Variants in CERS6 observed in about 807,000 individuals in gnomAD.
CERS6 encodes the protein ceramide synthase 6, also known as LAG1 homolog, ceramide synthase 6.
CERS6 carries 26 observed loss-of-function variants against 56.8 expected under a neutral mutation model. The ratio of observed to expected loss-of-function variants is 0.46; its 90% confidence interval spans 0.34 to 0.63. The LOEUF (loss-of-function observed/expected upper bound fraction) is 0.63. Among genes scored for constraint, CERS6 ranks in the 30% least tolerant of loss-of-function variants. CERS6 has a pLI of 0.01. For missense variants in CERS6, 415 were observed against 467.5 expected (o/e 0.89, Z 1.04); for synonymous variants, 164 against 173.3 (o/e 0.95, Z 0.42).
intron 8 of CERS6, among the ~76,000 whole-genome samples, chr2:168,753,969 T>C (rs1684350208): frequency 6.6e-6 from 1 of 152,096 alleles, no homozygotes. Flanking sequence ...TCTCCACCTG[T>C]GTGCAAATGG....
At chr2:168,730,246 C>T (rs1329266915) in intron 8 of CERS6, among the ~76,000 whole-genome samples, 1 of 152,208 alleles carries the variant, frequency 6.6e-6, no homozygotes, top group Non-Finnish European at 1.5e-5. Context: ...CCTTTATCCA[C>T]AGCTGGTCAT....
At chr2:168,694,083 G>A (rs939629353) in intron 5 of CERS6, among the ~76,000 whole-genome samples, 1 of 152,120 alleles carries the variant, frequency 6.6e-6, no homozygotes, top group African/African-American at 2.4e-5. Context: ...TTGTTTGTGT[G>A]ATGAGTTTCA....
chr2:168,721,775 T>C (rs750656888), intron 8 of CERS6, among the ~76,000 whole-genome samples: 3 of 151,900 alleles, frequency 2.0e-5, no homozygotes, highest in Non-Finnish European at 2.9e-5. Context: ...TGTGCCACAA[T>C]ACCCAGCTGA....
At chr2:168,523,759 A>G (rs1370865583) in intron 1 of CERS6, among the ~76,000 whole-genome samples, 1 of 152,180 alleles carries the variant, frequency 6.6e-6, no homozygotes, top group Non-Finnish European at 1.5e-5. Context: ...ATATTCACTG[A>G]CATTTTCAAT....
At chr2:168,748,406 T>A (rs2105441406) in intron 8 of CERS6, among the ~76,000 whole-genome samples, 1 of 152,328 alleles carries the variant, frequency 6.6e-6, no homozygotes, top group South Asian at 2.1e-4. Flanking sequence ...TATTTTTAGA[T>A]GAAACCCCCT....
intron 2 of CERS6, among the ~76,000 whole-genome samples, chr2:168,550,880 G>C (rs1454305991): frequency 1.3e-5 from 2 of 152,166 alleles, no homozygotes; most frequent in Non-Finnish European, 2.9e-5. Flanking sequence ...GCCCTCCACT[G>C]GGGGCTGAAG....
chr2:168,743,246 A>G (rs10469697), intron 8 of CERS6, among the ~76,000 whole-genome samples: 66,538 of 146,574 alleles, frequency 0.45, 16,731 homozygotes, highest in Admixed American at 0.57. Flanking sequence ...GTGTGTGTGT[A>G]TATATATATA....
intron 6 of CERS6, among the ~76,000 whole-genome samples, chr2:168,698,534 G>C (rs568310184): frequency 6.6e-6 from 1 of 152,126 alleles, no homozygotes; most frequent in Non-Finnish European, 1.5e-5. Flanking sequence ...CCCGATGACA[G>C]CACCAATGGG....
chr2:168,702,288 T>G (rs1218755240), intron 6 of CERS6, among the ~76,000 whole-genome samples: 1 of 152,184 alleles, frequency 6.6e-6, no homozygotes, highest in Non-Finnish European at 1.5e-5. Flanking sequence ...ATGCAGTTCT[T>G]TTTCTTTTGA....
intron 8 of CERS6, among the ~76,000 whole-genome samples, chr2:168,740,632 G>GGGCATCACAGAT (rs1683869296): frequency 6.6e-6 from 1 of 152,286 alleles, no homozygotes; most frequent in Admixed American, 6.5e-5. Context: ...AATGAGTCTG[G>GGGCATCACAGAT]GTTAACTCAG....
At chr2:168,615,303 A>G (rs934773919) in intron 3 of CERS6, among the ~76,000 whole-genome samples, 1 of 152,088 alleles carries the variant, frequency 6.6e-6, no homozygotes, top group African/African-American at 2.4e-5. Context: ...ATGACAAAAC[A>G]AGTTTCTTTA....
intron 6 of CERS6, among the ~76,000 whole-genome samples, chr2:168,698,385 G>T (rs1686721253): frequency 6.6e-6 from 1 of 152,040 alleles, no homozygotes. Context: ...CTTGGCTTCT[G>T]GGGAGGCCAC....
intron 1 of CERS6, among the ~76,000 whole-genome samples, chr2:168,466,407 G>A (rs1693878624): frequency 6.6e-6 from 1 of 152,170 alleles, no homozygotes; most frequent in African/African-American, 2.4e-5. Context: ...TCCTATGGAA[G>A]CTCTGGGTGA....
At chr2:168,495,948 G>C (rs73969228) in intron 1 of CERS6, among the ~76,000 whole-genome samples, 11,926 of 152,234 alleles carry the variant, frequency 0.078, 728 homozygotes, top group African/African-American at 0.17. Context: ...CAACTACCCA[G>C]GTGATCTCCC....
intron 1 of CERS6, among the ~76,000 whole-genome samples, chr2:168,459,576 G>C (rs1460329405): frequency 1.3e-5 from 2 of 152,024 alleles, no homozygotes; most frequent in South Asian, 4.1e-4. Context: ...ACTTAACTCC[G>C]GGTAAGGACC....
intron 1 of CERS6, among the ~76,000 whole-genome samples, chr2:168,515,856 C>G (rs980640737): frequency 1.3e-5 from 2 of 152,142 alleles, no homozygotes; most frequent in African/African-American, 4.8e-5. Context: ...TTCTGGGATC[C>G]TATCTCTGGT....
intron 3 of CERS6, among the ~76,000 whole-genome samples, chr2:168,579,299 C>CT (rs928697128): frequency 8.8e-4 from 133 of 151,158 alleles, no homozygotes; most frequent in South Asian, 3.2e-3. Flanking sequence ...GCAGCCCTCA[C>CT]TTTTTTTTTA....
chr2:168,497,988 A>G (rs1379710244), intron 1 of CERS6, among the ~76,000 whole-genome samples: 3 of 151,854 alleles, frequency 2.0e-5, no homozygotes, highest in Non-Finnish European at 4.4e-5. Flanking sequence ...TCAAAGGAAG[A>G]CTCCTGATAC....
chr2:168,486,518 G>GTTTTTTTTTTTTTTTTTTTTTTT (rs1491580943), intron 1 of CERS6, among the ~76,000 whole-genome samples: 44 of 136,312 alleles, frequency 3.2e-4, no homozygotes, highest in East Asian at 1.3e-3. Context: ...GTCTAGATTT[G>GTTTTTTTTTTTTTTTTTTTTTTT]GTTTTGTTTT....
Sources: gnomAD v4.1 joint callset for allele counts (sites outside exome capture counted in the v4.1 genomes callset) on GRCh38, gnomAD v4.1.1 for gene constraint, MANE v1.5 for transcripts, NCBI Gene and HGNC (gene_info 2026-07-23, HGNC 2026-07-21) for gene names.